Variants in SPATA16 observed in about 807,000 individuals in gnomAD.
SPATA16 encodes the protein spermatogenesis associated 16, also known as spermatogenesis-associated protein 16.
Under a neutral mutation model 63.3 loss-of-function variants are expected in SPATA16, and 36 were observed. That is an observed-to-expected ratio of 0.57 (90% CI 0.44 to 0.75). The LOEUF (loss-of-function observed/expected upper bound fraction) is 0.75, where lower values mean the gene tolerates loss of function less well. Ranked by LOEUF, SPATA16 falls within the 30% of genes least tolerant of loss-of-function variation. The probability of loss-of-function intolerance (pLI) is 0.00; values close to 1 mark genes in which losing one functional copy is unlikely to be tolerated. For missense variants in SPATA16, 646 were observed against 679.3 expected, an observed-to-expected ratio of 0.95 and a Z score of 0.54; for synonymous variants, 203 against 216.7, an observed-to-expected ratio of 0.94 and a Z score of 0.56.
At chr3:172,962,905 A>G (rs537397308) in intron 5 of SPATA16, among the ~76,000 whole-genome samples, 11 of 152,246 alleles carry the variant, frequency 7.2e-5, no homozygotes, top group African/African-American at 2.6e-4. Context: ...TTCAAATTCA[A>G]TTTTTAAAAT....
At chr3:172,974,674 A>G (rs990450725) in intron 5 of SPATA16, among the ~76,000 whole-genome samples, 7 of 152,092 alleles carry the variant, frequency 4.6e-5, no homozygotes, top group Non-Finnish European at 1.0e-4. Flanking sequence ...ATCTGCAGGA[A>G]GTGATTTCTA....
chr3:172,910,926 T>C (rs1005381871), intron 10 of SPATA16, among the ~76,000 whole-genome samples: 1 of 152,242 alleles, frequency 6.6e-6, no homozygotes, highest in Non-Finnish European at 1.5e-5. Flanking sequence ...AGGTGCACTT[T>C]CGTGCCAGTT....
chr3:172,925,551 T>G, intron 6 of SPATA16, 59 bp from the exon 7 acceptor site: 1 of 1,607,328 alleles, frequency 6.2e-7, no homozygotes, highest in Non-Finnish European at 8.5e-7. Flanking sequence ...ATTTTTAGGG[T>G]TTTCCCCCCC....
chr3:173,003,916 T>C (rs560762875), intron 4 of SPATA16, among the ~76,000 whole-genome samples: 11 of 152,348 alleles, frequency 7.2e-5, no homozygotes, highest in African/African-American at 2.6e-4. Flanking sequence ...GATATATTAT[T>C]ATCTCCATTA....
rs540958889 is a variant in SPATA16 at position 173,040,095 on chromosome 3, C to G, written c.758+8854G>C. Among the ~76,000 whole-genome samples the G allele has an allele frequency of 2.0e-5, 3 of 152,090 alleles. 1 individual carries two copies. In the South Asian group the frequency reaches 6.2e-4, roughly 32 times the overall value. ...GTCATGGTTGTCTTCCTCCTCCAGC[C>G]CCCCACCTCCTTCTTCTCTTCTTCC... On this transcript the variant is annotated intron_variant, in intron 3 of 10. Transcript: ENST00000351008.
chr3:173,130,830 T>C (rs576145362), intron 1 of SPATA16, among the ~76,000 whole-genome samples: 10 of 152,204 alleles, frequency 6.6e-5, no homozygotes, highest in Non-Finnish European at 1.5e-4. Context: ...AAAATAATAA[T>C]CATTTCTTAC....
chr3:173,013,273 C>A (rs1374287828), intron 4 of SPATA16, among the ~76,000 whole-genome samples: 2 of 152,168 alleles, frequency 1.3e-5, no homozygotes, highest in Middle Eastern at 6.8e-3. Flanking sequence ...ATAATAGATG[C>A]TTGTGAGGCT....
chr3:173,128,526 T>C (rs1187639461), intron 1 of SPATA16, among the ~76,000 whole-genome samples: 3 of 152,166 alleles, frequency 2.0e-5, no homozygotes, highest in African/African-American at 7.2e-5. Context: ...TCTGGGGTAA[T>C]GCATAGGAAT....
At chr3:173,096,863 A>G (rs540640720) in intron 2 of SPATA16, among the ~76,000 whole-genome samples, 2 of 152,228 alleles carry the variant, frequency 1.3e-5, no homozygotes, top group South Asian at 4.2e-4. Context: ...GCATGATGGA[A>G]TATTATACAA....
At chr3:172,984,354 C>A (rs1007846560) in intron 4 of SPATA16, among the ~76,000 whole-genome samples, 5 of 152,156 alleles carry the variant, frequency 3.3e-5, no homozygotes, top group African/African-American at 9.7e-5. Context: ...TTAATAAACA[C>A]TTTGCCTATT....
At chr3:172,918,503 G>T (rs1732548102) in intron 8 of SPATA16, among the ~76,000 whole-genome samples, 1 of 152,076 alleles carries the variant, frequency 6.6e-6, no homozygotes, top group Non-Finnish European at 1.5e-5. Context: ...GCCAAATGCA[G>T]TTTTGGTTAT....
At chr3:172,906,917 G>A (rs186323262) in intron 10 of SPATA16, among the ~76,000 whole-genome samples, 71 of 151,988 alleles carry the variant, frequency 4.7e-4, no homozygotes, top group Non-Finnish European at 9.0e-4. Flanking sequence ...AATTTTTTTT[G>A]TATCTTTAGT....
At chr3:172,923,056 C>T (rs941631321) in intron 8 of SPATA16, among the ~76,000 whole-genome samples, 8 of 152,208 alleles carry the variant, frequency 5.3e-5, no homozygotes, top group African/African-American at 9.6e-5. Context: ...TAGCCATGCA[C>T]GGATGAGATG....
At chr3:173,054,483 A>G (rs951354336) in intron 2 of SPATA16, among the ~76,000 whole-genome samples, 4 of 152,214 alleles carry the variant, frequency 2.6e-5, no homozygotes, top group Non-Finnish European at 5.9e-5. Flanking sequence ...TGTCCTTTGC[A>G]GGGACATGGA....
intron 4 of SPATA16, among the ~76,000 whole-genome samples, chr3:173,001,633 A>G (rs1017622560): frequency 3.9e-5 from 6 of 152,126 alleles, no homozygotes; most frequent in African/African-American, 1.4e-4. Context: ...CATCAGTTAC[A>G]TTTCAGGTTT....
At chr3:172,976,611 C>A (rs956142885) in intron 5 of SPATA16, among the ~76,000 whole-genome samples, 3 of 152,040 alleles carry the variant, frequency 2.0e-5, no homozygotes, top group Non-Finnish European at 4.4e-5. Flanking sequence ...AATATTACTT[C>A]TAGCATCTGT....
chr3:173,112,746 C>G (rs1450189221), intron 2 of SPATA16, among the ~76,000 whole-genome samples: 16 of 152,166 alleles, frequency 1.1e-4, no homozygotes, highest in Non-Finnish European at 5.9e-5. Context: ...ATTAGCACCT[C>G]AAGGGGCTGC....
intron 1 of SPATA16, among the ~76,000 whole-genome samples, chr3:173,126,282 TA>T (rs1473927503): frequency 6.6e-6 from 1 of 152,252 alleles, no homozygotes. Context: ...GACTCAATTG[TA>T]TTTCTTCAAA....
chr3:173,119,462 G>A (rs1332210813), intron 1 of SPATA16, among the ~76,000 whole-genome samples: 1 of 152,144 alleles, frequency 6.6e-6, no homozygotes, highest in African/African-American at 2.4e-5. Context: ...GTCAGAAAAG[G>A]TTTAAGGTCA....
Sources: gnomAD v4.1 joint callset for allele counts (sites outside exome capture counted in the v4.1 genomes callset) on GRCh38, gnomAD v4.1.1 for gene constraint, MANE v1.5 for transcripts, NCBI Gene and HGNC (gene_info 2026-07-23, HGNC 2026-07-21) for gene names.